THNSL1: variants seen among roughly 807,000 people sequenced by gnomAD.
THNSL1 encodes threonine synthase like 1.
A neutral mutation model predicts 50.4 loss-of-function variants in THNSL1; 48 were observed. The ratio of observed to expected loss-of-function variants is 0.95; its 90% CI spans 0.76 to 1.21. The LOEUF (loss-of-function observed/expected upper bound fraction) is 1.21, where lower values mean the gene tolerates loss of function less well. Among genes scored for constraint, THNSL1 ranks in the 50% most tolerant of loss-of-function variants. The pLI is 0.00. For missense variants in THNSL1, 896 were observed against 871.7 expected, an observed-to-expected ratio of 1.03 and a Z score of -0.35; for synonymous variants, 309 against 306.1, an observed-to-expected ratio of 1.01 and a Z score of -0.10.
rs775381354 is a variant in THNSL1, at chr10:25,023,308, G to T, written c.85G>T (p.Ala29Ser). The T allele has an allele frequency of 6.2e-7, 1 of 1,614,134 alleles. No individual in the cohort carries two copies. Among genetic ancestry groups the T allele is most frequent in the South Asian group, 1.1e-5 (1 of 91,078 alleles). ...TATACATGTTAAAACGGATAAACAT[G>T]CACAGCGATTTCTTTCAAGAACCTT... is the stretch of plus-strand genomic sequence containing the variant. ...SSIHVKTDKH[A>S]QRFLSRTFAL... The change falls in exon 3 of 3, where the codon GCA becomes TCA. Residue 29 changes from alanine (A) to serine (S), a missense_variant. Physicochemically the swap from Ala to Ser is moderately conservative, Grantham distance 99. Coordinates refer to ENST00000376356, the MANE Select transcript of THNSL1 (RefSeq NM_024838.5).
intron 1 of THNSL1, among the ~76,000 whole-genome samples, chr10:25,018,760 C>T (rs117112455): frequency 0.011 from 1,633 of 150,650 alleles, 13 homozygotes; most frequent in Middle Eastern, 0.017. Flanking sequence ...TAAATAAACC[C>T]TTTATAAAGA....
chr10:25,019,164 T>C (rs1850670199), intron 1 of THNSL1, among the ~76,000 whole-genome samples: 1 of 152,208 alleles, frequency 6.6e-6, no homozygotes. Context: ...TTCAACTAAT[T>C]ACAGATTGAA....
intron 1 of THNSL1, among the ~76,000 whole-genome samples, chr10:25,018,165 T>G (rs1850646979): frequency 6.6e-6 from 1 of 152,230 alleles, no homozygotes; most frequent in Admixed American, 6.5e-5. Flanking sequence ...TGTGGTATAG[T>G]TAGTTTACAG....
At chr10:24,958,591 T>C in the THNSL1 span, among the ~76,000 whole-genome samples, 1 of 152,244 alleles carries the variant, frequency 6.6e-6, no homozygotes, top group Admixed American at 6.5e-5. Flanking sequence ...GTCTCTTGTT[T>C]GAAGCAGACT....
upstream of THNSL1, among the ~76,000 whole-genome samples, chr10:25,015,255 A>AT (rs1850540536): frequency 1.3e-5 from 2 of 152,196 alleles, no homozygotes; most frequent in African/African-American, 4.8e-5. Context: ...TCAATTACAT[A>AT]TTTTTTGGTT....
rs1850833960 is a variant in THNSL1 at position 25,025,561 on chromosome 10, A to G, written c.*106A>G. On this transcript the variant is annotated 3_prime_UTR_variant, in exon 3 of 3. Transcript: ENST00000376356. ...TTTTGTCTTTTATGTAAATATCTCT[A>G]TATCTGTTTGGAATTTCAAAAGTCT... The G allele has an allele frequency of 2.7e-6, 3 of 1,116,748 alleles. No homozygotes were observed. Among genetic ancestry groups the G allele is most frequent in the South Asian group, 1.7e-5 (1 of 60,308 alleles). 69.2% of individuals were successfully genotyped at this position (1,116,748 alleles called of 1,614,324 possible).
At chr10:24,990,731 T>G in the THNSL1 span, 1 of 986,454 alleles carries the variant, frequency 1.0e-6, no homozygotes, top group East Asian at 2.7e-5. Context: ...TTCAAAACCC[T>G]GTAAATTGAC....
the THNSL1 span, among the ~76,000 whole-genome samples, chr10:24,958,655 T>TA: frequency 6.6e-6 from 1 of 152,232 alleles, no homozygotes; most frequent in Non-Finnish European, 1.5e-5. Context: ...GAGTAGGTCT[T>TA]ACAAATAAAG....
the THNSL1 span, chr10:24,999,436 A>G: frequency 1.9e-6 from 3 of 1,612,092 alleles, no homozygotes; most frequent in Non-Finnish European, 2.5e-6. Flanking sequence ...ATGTTTCTTT[A>G]GGAAATCCTT....
chr10:25,011,207 A>T, the THNSL1 span, among the ~76,000 whole-genome samples: 1 of 152,022 alleles, frequency 6.6e-6, no homozygotes, highest in African/African-American at 2.4e-5. Context: ...GATGATGACC[A>T]TTTTTTCATC....
chr10:24,959,550 C>A, the THNSL1 span, among the ~76,000 whole-genome samples: 1 of 152,176 alleles, frequency 6.6e-6, no homozygotes, highest in Non-Finnish European at 1.5e-5. Context: ...GTTTGAGAAA[C>A]AATTAAGTAA....
At chr10:24,990,400 T>A in the THNSL1 span, 2 of 1,546,508 alleles carry the variant, frequency 1.3e-6, no homozygotes, top group Non-Finnish European at 1.7e-6. Context: ...AAAGTGATGG[T>A]ACACCTTTCT....
the THNSL1 span, among the ~76,000 whole-genome samples, chr10:24,985,704 G>A: frequency 2.3e-4 from 35 of 152,226 alleles, no homozygotes; most frequent in Non-Finnish European, 3.7e-4. Flanking sequence ...AGACAAAATG[G>A]TCTTAAACTA....
chr10:24,975,943 T>A, the THNSL1 span, among the ~76,000 whole-genome samples: 1 of 152,344 alleles, frequency 6.6e-6, no homozygotes, highest in East Asian at 1.9e-4. Flanking sequence ...TGATAGTCAT[T>A]GAATAAAGTG....
the THNSL1 span, among the ~76,000 whole-genome samples, chr10:24,979,854 C>T: frequency 9.2e-5 from 14 of 152,340 alleles, no homozygotes; most frequent in Non-Finnish European, 1.6e-4. Context: ...CCCTAGGTTT[C>T]CCCAGTTCAG....
the THNSL1 span, among the ~76,000 whole-genome samples, chr10:24,995,214 C>T: frequency 6.6e-6 from 1 of 152,096 alleles, no homozygotes; most frequent in African/African-American, 2.4e-5. Flanking sequence ...AGATGGATGG[C>T]TCTAAAGCTG....
Position 25,023,083 on chromosome 10 carries a change from T to C in THNSL1, c.-48-93T>C, listed in dbSNP as rs189603421. 1.4e-4 allele frequency: 107 copies of C among 784,744 alleles called. 1 individual carries two copies. The East Asian group carries it at 2.8e-3, about 21-fold the overall frequency. The allele number at this position is 784,744 out of a possible 1,614,324, so 48.6% of individuals were successfully genotyped here. A position where few individuals can be genotyped will look rare whatever the true frequency, so the allele number is the denominator to read the frequency against. ...AACAGTTTATGTACCATGGGCATGG[T>C]TATATTCAGTCCTATTGGGATTTTA... On this transcript the variant is annotated intron_variant, in intron 2 of 2. Coordinates refer to ENST00000376356, the MANE Select transcript of THNSL1 (RefSeq NM_024838.5).
chr10:24,958,566 A>G, the THNSL1 span, among the ~76,000 whole-genome samples: 4 of 152,258 alleles, frequency 2.6e-5, no homozygotes, highest in Non-Finnish European at 4.4e-5. Context: ...TTAGCATAGT[A>G]ACCCGTCTTT....
Position 25,025,514 on chromosome 10 carries a change from ACT to A in THNSL1, c.*60_*61del. 1 of 1,479,352 alleles carries A rather than the reference ACT, an allele frequency of 6.8e-7. No individual in the cohort carries two copies. The highest frequency in any genetic ancestry group is 1.3e-5 in the South Asian group (1 of 74,698). 91.6% of individuals were successfully genotyped at this position (1,479,352 alleles called of 1,614,324 possible). A position where few individuals can be genotyped will look rare whatever the true frequency, so the allele number is the denominator to read the frequency against. The stretch of plus-strand genomic sequence containing the variant: ...AAGCATGCAATAATAAATCTCAAAC[ACT>A]GATTTGGAGTACAGTAGCATTTTGT... On this transcript the variant is annotated 3_prime_UTR_variant, in exon 3 of 3. Transcript: ENST00000376356.
Sources: allele counts gnomAD v4.1 joint callset (sites outside exome capture counted in the v4.1 genomes callset), GRCh38; gene constraint gnomAD v4.1.1; transcripts MANE v1.5; gene names NCBI Gene and HGNC (gene_info 2026-07-23, HGNC 2026-07-21).